ODAPH: variants seen among roughly 807,000 people sequenced by gnomAD.
ODAPH encodes the protein amelogenesis imperfecta type IIA4.
ODAPH carries 2 observed loss-of-function variants against 2.8 expected under a neutral mutation model. The observed-to-expected ratio is 0.72, with a 90% CI of 0.30 to 2.28. The LOEUF (loss-of-function observed/expected upper bound fraction) is 2.28. ODAPH is among the 30% of genes most tolerant of loss of function. The pLI, the probability that ODAPH is intolerant of heterozygous loss-of-function variation, is 0.13. For missense variants in ODAPH, 159 were observed against 163.3 expected (o/e 0.97, Z 0.14); for synonymous variants, 75 against 60.3 (o/e 1.24, Z -1.13).
downstream of ODAPH, chr4:75,564,871 G>T: frequency 3.8e-6 from 1 of 263,882 alleles, no homozygotes; most frequent in South Asian, 4.8e-5. Flanking sequence ...ACAGAGCAAG[G>T]TGCATTGACA....
In ODAPH at chr4:75,564,429, A is replaced by G. The variant is rs2148846389; in HGVS notation, c.383A>G (p.Glu128Gly). 6.2e-7 allele frequency: 1 copy of G among 1,614,174 alleles called. No individual in the cohort carries two copies. The highest frequency in any genetic ancestry group is 8.5e-7 in the Non-Finnish European group (1 of 1,180,024). The change falls in exon 2 of 2, where the codon GAG (glutamate) becomes GGG (glycine). Residue 128 changes from glutamate (E) to glycine (G), a missense_variant. Coordinates refer to ENST00000311623, the MANE Select transcript of ODAPH (RefSeq NM_178497.5). ...RRRLQRGSSS[E>G]ES ...AGACTCCAGAGAGGAAGCTCATCTGAGGAAAGCTGAGAGGGAAGAGAAACC... is the reference window on the plus strand; with the variant it reads ...AGACTCCAGAGAGGAAGCTCATCTGGGGAAAGCTGAGAGGGAAGAGAAACC...
Position 75,564,526 on chromosome 4 carries a change from G to T in ODAPH, c.*87G>T. The stretch of plus-strand genomic sequence containing the variant: ...CAAAAAGATTTCTGTTTTATCTTTC[G>T]AAACTAAAACTATTGGATTTGAAGA... On this transcript the variant is annotated 3_prime_UTR_variant, in exon 2 of 2. Coordinates refer to ENST00000311623, the MANE Select transcript of ODAPH (RefSeq NM_178497.5). 6.2e-7 allele frequency: 1 copy of T among 1,608,140 alleles called. No individual in the cohort carries two copies. Among genetic ancestry groups the T allele is most frequent in the South Asian group, 1.1e-5 (1 of 90,614 alleles).
rs1727750199 is a variant in ODAPH, at chr4:75,564,762, A to G, written c.*323A>G. ...CCATACTAAGATGCTGAGAGAATCCATCTCCTCCTCTAAATTAAACAGGAT... is the reference window on the plus strand; with the variant it reads ...CCATACTAAGATGCTGAGAGAATCCGTCTCCTCCTCTAAATTAAACAGGAT... On this transcript the variant is annotated 3_prime_UTR_variant, in exon 2 of 2. Coordinates refer to ENST00000311623, the MANE Select transcript of ODAPH (RefSeq NM_178497.5). 1.9e-6 allele frequency: 1 copy of G among 525,698 alleles called. No individual in the cohort carries two copies. The highest frequency in any genetic ancestry group is 3.4e-6 in the Non-Finnish European group (1 of 297,034). 32.6% of individuals were successfully genotyped at this position (525,698 alleles called of 1,614,324 possible). A position where few individuals can be genotyped will look rare whatever the true frequency, so the allele number is the denominator to read the frequency against.
chr4:75,565,449 A>T (rs1432547893), downstream of ODAPH: 2 of 152,214 alleles, frequency 1.3e-5, no homozygotes, highest in African/African-American at 2.4e-5. Flanking sequence ...CTTTTAACGT[A>T]ATTCCAGGTT....
At chr4:75,561,084 C>T (rs1001320637) in intron 1 of ODAPH, among the ~76,000 whole-genome samples, 2 of 151,968 alleles carry the variant, frequency 1.3e-5, no homozygotes, top group Admixed American at 6.6e-5. Flanking sequence ...ATTAGCCGGG[C>T]GTGGTGGCGC....
intron 1 of ODAPH, among the ~76,000 whole-genome samples, chr4:75,562,949 T>C (rs913738905): frequency 2.0e-5 from 3 of 151,670 alleles, no homozygotes; most frequent in African/African-American, 7.3e-5. Context: ...AAGTTCTTTT[T>C]TTCAGCTGAA....
At chr4:75,560,737 G>C (rs1259442882) in intron 1 of ODAPH, among the ~76,000 whole-genome samples, 1 of 152,194 alleles carries the variant, frequency 6.6e-6, no homozygotes, top group East Asian at 1.9e-4. Flanking sequence ...AACTTGCCTT[G>C]CAGGCTCTGA....
chr4:75,559,471 A>G (rs1727476873), intron 1 of ODAPH, among the ~76,000 whole-genome samples: 1 of 152,216 alleles, frequency 6.6e-6, no homozygotes, highest in Non-Finnish European at 1.5e-5. Context: ...ATGAGACTCA[A>G]AGAGGTTAAG....
chr4:75,558,104 A>G (rs1411404270), intron 1 of ODAPH, among the ~76,000 whole-genome samples: 3 of 152,184 alleles, frequency 2.0e-5, no homozygotes, highest in Non-Finnish European at 4.4e-5. Flanking sequence ...CCTTGAGCTC[A>G]GGCTCTTAAT....
At chr4:75,558,412 CACTTAA>C (rs1422199435) in intron 1 of ODAPH, among the ~76,000 whole-genome samples, 2 of 151,822 alleles carry the variant, frequency 1.3e-5, no homozygotes, top group Admixed American at 6.6e-5. Context: ...AAGAACTGCA[CACTTAA>C]ACTTTAAGTA....
At chr4:75,556,173 C>G in intron 1 of ODAPH, 24 bp downstream of exon 1, 1 of 1,607,504 alleles carries the variant, frequency 6.2e-7, no homozygotes, top group East Asian at 2.2e-5. Flanking sequence ...TTTTATTCTA[C>G]TGTGGGTCCA....
chr4:75,558,601 C>T (rs1042569334), intron 1 of ODAPH, among the ~76,000 whole-genome samples: 3 of 151,878 alleles, frequency 2.0e-5, no homozygotes, highest in Admixed American at 6.6e-5. Flanking sequence ...AATTTCATGT[C>T]TAGACTATAA....
intron 1 of ODAPH, among the ~76,000 whole-genome samples, chr4:75,558,209 C>G (rs1727420803): frequency 6.6e-6 from 1 of 152,192 alleles, no homozygotes; most frequent in South Asian, 2.1e-4. Context: ...AGGGGCCTGT[C>G]TGATACTTTC....
At chr4:75,563,709 T>A (rs562663790) in intron 1 of ODAPH, among the ~76,000 whole-genome samples, 1 of 152,380 alleles carries the variant, frequency 6.6e-6, no homozygotes, top group Admixed American at 6.5e-5. Flanking sequence ...TTGCTCAACA[T>A]TCATGGGATG....
At chr4:75,558,910 G>A (rs775869937) in intron 1 of ODAPH, among the ~76,000 whole-genome samples, 1 of 152,124 alleles carries the variant, frequency 6.6e-6, no homozygotes, top group Non-Finnish European at 1.5e-5. Flanking sequence ...TGGCCAGGCT[G>A]GTCTTGAACT....
At chr4:75,561,073 A>G (rs1727547611) in intron 1 of ODAPH, among the ~76,000 whole-genome samples, 1 of 151,778 alleles carries the variant, frequency 6.6e-6, no homozygotes, top group Admixed American at 6.6e-5. Flanking sequence ...TTAAAAAAAG[A>G]ATTAGCCGGG....
At chr4:75,556,224 G>A (rs1249814202) in intron 1 of ODAPH, 75 bp downstream of exon 1, 1 of 1,341,258 alleles carries the variant, frequency 7.5e-7, no homozygotes, top group African/African-American at 1.4e-5. Context: ...CTGGCTCCAT[G>A]ATTATACGTT....
chr4:75,565,682 A>G (rs1001696777), downstream of ODAPH: 33 of 152,124 alleles, frequency 2.2e-4, no homozygotes, highest in African/African-American at 8.0e-4. Context: ...AGTTCTGCAT[A>G]TGTGGTCAGT....
chr4:75,564,852 G>A, downstream of ODAPH: 2 of 325,194 alleles, frequency 6.2e-6, no homozygotes, highest in Non-Finnish European at 1.1e-5. Flanking sequence ...TATACTCATT[G>A]GAAAACATAC....
Sources: gnomAD v4.1 joint callset for allele counts (sites outside exome capture counted in the v4.1 genomes callset) on GRCh38, gnomAD v4.1.1 for gene constraint, MANE v1.5 for transcripts, NCBI Gene and HGNC (gene_info 2026-07-23, HGNC 2026-07-21) for gene names.